The following SAMM50 variants were observed in gnomAD, a reference collection of about 807,000 sequenced individuals.
SAMM50 encodes the protein sorting and assembly machinery component 50 homolog.
In SAMM50, 47 loss-of-function variants were observed where a neutral mutation model predicts 66.9. The observed-to-expected ratio is 0.70, with a 90% CI of 0.56 to 0.90. SAMM50 has a LOEUF of 0.90. Among genes scored for constraint, SAMM50 ranks in the 40% least tolerant of loss-of-function variants. The pLI is 0.00. For synonymous variants in SAMM50, 191 were observed against 214.1 expected (o/e 0.89, Z 0.94); for missense variants, 535 against 595.3 (o/e 0.90, Z 1.05).
chr22:43,974,316 C>G (rs1260036824), intron 7 of SAMM50, among the ~76,000 whole-genome samples: 1 of 152,200 alleles, frequency 6.6e-6, no homozygotes, highest in Non-Finnish European at 1.5e-5. Context: ...GCTTGACTCC[C>G]CCGTCTCCCT....
chr22:43,974,443 C>T (rs200079738), intron 7 of SAMM50, among the ~76,000 whole-genome samples: 3 of 152,224 alleles, frequency 2.0e-5, no homozygotes, highest in Middle Eastern at 3.2e-3. Context: ...CCTGATGCGG[C>T]GCGTGGCGCA....
intron 7 of SAMM50, among the ~76,000 whole-genome samples, chr22:43,974,304 G>A (rs1176370190): frequency 6.6e-6 from 1 of 152,148 alleles, no homozygotes; most frequent in Admixed American, 6.5e-5. Context: ...GCGACCACCT[G>A]GGCTTGACTC....
chr22:43,971,010 C>CAA (rs1175781764), intron 4 of SAMM50, among the ~76,000 whole-genome samples: 1 of 152,062 alleles, frequency 6.6e-6, no homozygotes, highest in Non-Finnish European at 1.5e-5. Flanking sequence ...ACTAAAAATA[C>CAA]AAAAAATATT....
chr22:43,978,510 A>G (rs1176859368), intron 10 of SAMM50, among the ~76,000 whole-genome samples: 2 of 149,826 alleles, frequency 1.3e-5, no homozygotes. Context: ...CCCGTTTATC[A>G]TCTCAGGGCC....
intron 11 of SAMM50, among the ~76,000 whole-genome samples, chr22:43,982,064 G>C (rs2050267790): frequency 6.6e-6 from 1 of 152,162 alleles, no homozygotes; most frequent in South Asian, 2.1e-4. Context: ...ACTTGTACTT[G>C]TTGCTTCGAA....
rs542980162 is a variant in SAMM50 at position 43,968,811 on chromosome 22, A to G, written c.315A>G (p.Thr105=). 6.2e-7 allele frequency: 1 copy of G among 1,606,274 alleles called. No individual in the cohort carries two copies. Among genetic ancestry groups the G allele is most frequent in the East Asian group, 2.2e-5 (1 of 44,844 alleles). Residue 105 remains threonine, a synonymous_variant, in exon 4 of 15, where the codon ACA becomes ACG. Transcript: ENST00000350028. ...IFRQVDVLID[T]CQGDDALPNG... is the part of the protein sequence containing the mutation. ...GACAAGTGGATGTTTTGATTGACAC[A>G]TGTCAAGGTACATATTGTGGTGTAG... is the stretch of plus-strand genomic sequence containing the variant.
At chr22:43,991,139 G>A (rs1275359649) in intron 14 of SAMM50, among the ~76,000 whole-genome samples, 4 of 151,880 alleles carry the variant, frequency 2.6e-5, no homozygotes, top group African/African-American at 7.3e-5. Flanking sequence ...ACCACACCCG[G>A]CTAATTTTTT....
rs1360439715 is a variant in SAMM50 at position 43,963,516 on chromosome 22, A to T, written c.132+120A>T. The stretch of plus-strand genomic sequence containing the variant: ...GTGCCTTTATCAAAGAAGAGTTTGT[A>T]ACCACCTACAACTAGAAAAACTGAT... On this transcript the variant is annotated intron_variant, in intron 2 of 14. Coordinates refer to ENST00000350028, the MANE Select transcript of SAMM50 (RefSeq NM_015380.5). 9.8e-6 allele frequency: 5 copies of T among 510,252 alleles called. No homozygotes were observed. In the East Asian group the frequency reaches 1.6e-4, roughly 16 times the overall value. The allele number at this position is 510,252 out of a possible 1,614,324, so 31.6% of individuals were successfully genotyped here.
At chr22:43,976,502 T>G (rs1425827419) in intron 8 of SAMM50, among the ~76,000 whole-genome samples, 2 of 152,170 alleles carry the variant, frequency 1.3e-5, no homozygotes, top group African/African-American at 2.4e-5. Flanking sequence ...CGGTGGTGGG[T>G]GTTCAACTCC....
Position 43,973,219 on chromosome 22 carries a change from A to T in SAMM50, c.561-17A>T. ...TCACTGTTTCAGCTTTTAAAGCTCT[A>T]TCCCATTGTCTCCTAGTTTCTCTGT... On this transcript the variant is annotated splice_polypyrimidine_tract_variant and intron_variant, in intron 6 of 14. Coordinates refer to ENST00000350028, the MANE Select transcript of SAMM50 (RefSeq NM_015380.5). 1 of 1,511,236 alleles carries T rather than the reference A, an allele frequency of 6.6e-7. No homozygotes were observed. Among genetic ancestry groups the T allele is most frequent in the Non-Finnish European group, 9.2e-7 (1 of 1,086,880 alleles). 93.6% of individuals were successfully genotyped at this position (1,511,236 alleles called of 1,614,324 possible). A position where few individuals can be genotyped will look rare whatever the true frequency, so the allele number is the denominator to read the frequency against.
At chr22:43,984,466 C>T (rs1218221709) in intron 12 of SAMM50, among the ~76,000 whole-genome samples, 4 of 151,420 alleles carry the variant, frequency 2.6e-5, no homozygotes, top group Non-Finnish European at 4.4e-5. Flanking sequence ...GCACCCGCCA[C>T]CATGCCTAGC....
intron 10 of SAMM50, among the ~76,000 whole-genome samples, chr22:43,979,820 C>T (rs896671140): frequency 5.9e-5 from 9 of 151,876 alleles, no homozygotes; most frequent in Non-Finnish European, 1.2e-4. Context: ...TTTTTGTTTC[C>T]CAGAAGGCAT....
At chr22:43,960,983 G>A (rs1374071787) in intron 1 of SAMM50, among the ~76,000 whole-genome samples, 3 of 152,132 alleles carry the variant, frequency 2.0e-5, no homozygotes, top group Admixed American at 2.0e-4. Context: ...CAGGCCTTAC[G>A]GCAGAGTTCC....
chr22:43,969,719 G>C (rs1240836450), intron 4 of SAMM50, among the ~76,000 whole-genome samples: 8 of 152,182 alleles, frequency 5.3e-5, no homozygotes, highest in Non-Finnish European at 1.0e-4. Context: ...AGAATGTTCT[G>C]GGGACAGAGA....
chr22:43,990,550 G>T, intron 14 of SAMM50, 144 bp downstream of exon 14: 1 of 917,340 alleles, frequency 1.1e-6, no homozygotes, highest in Non-Finnish European at 1.7e-6. Flanking sequence ...GAAAACACAT[G>T]TATTTTCCTC....
chr22:43,955,899 TTGCATGATTTTAAGTTTTC>T (rs755198494), intron 1 of SAMM50, among the ~76,000 whole-genome samples: 3 of 152,234 alleles, frequency 2.0e-5, no homozygotes, highest in Non-Finnish European at 4.4e-5. Flanking sequence ...TGCTCTTTCT[TTGCATGATTTTAAGTTTTC>T]TCTCTTTACT....
chr22:43,977,289 G>A (rs775409027), intron 9 of SAMM50, among the ~76,000 whole-genome samples: 1 of 152,192 alleles, frequency 6.6e-6, no homozygotes, highest in Non-Finnish European at 1.5e-5. Context: ...TCTTGTTGGA[G>A]GCAGGGGGAT....
intron 1 of SAMM50, among the ~76,000 whole-genome samples, chr22:43,955,863 T>G (rs1433408007): frequency 6.6e-6 from 1 of 152,230 alleles, no homozygotes; most frequent in Non-Finnish European, 1.5e-5. Context: ...GCCAACTTTC[T>G]GTGATGTCTT....
At chr22:43,976,892 G>A in intron 9 of SAMM50, 71 bp downstream of exon 9, 2 of 918,856 alleles carry the variant, frequency 2.2e-6, no homozygotes, top group Non-Finnish European at 3.4e-6. Context: ...TAAAGTCCCG[G>A]TGGGCTGGGT....
Sources: gnomAD v4.1 joint callset for allele counts (sites outside exome capture counted in the v4.1 genomes callset) on GRCh38, gnomAD v4.1.1 for gene constraint, MANE v1.5 for transcripts, NCBI Gene and HGNC (gene_info 2026-07-23, HGNC 2026-07-21) for gene names.